The following PKHD1 variants were observed in gnomAD, a reference collection of about 807,000 sequenced individuals.
PKHD1 encodes the protein fibrocystin.
PKHD1 carries 291 observed loss-of-function variants against 412.0 expected under a neutral mutation model. That is an observed-to-expected ratio of 0.71 (90% CI 0.64 to 0.78). The LOEUF is 0.78. PKHD1 is among the 30% of genes least tolerant of loss of function. The pLI, the probability that PKHD1 is intolerant of heterozygous loss-of-function variation, is 0.00. For missense variants in PKHD1, 4,825 were observed against 4,950.7 expected (o/e 0.97, Z 0.76); for synonymous variants, 1,777 against 1,821.5 (o/e 0.98, Z 0.62).
At chr6:51,800,890 C>T (rs978530443) in intron 52 of PKHD1, among the ~76,000 whole-genome samples, 1 of 152,184 alleles carries the variant, frequency 6.6e-6, no homozygotes, top group South Asian at 2.1e-4. Flanking sequence ...CCAGGCAGAG[C>T]AGGACATACA....
intron 52 of PKHD1, among the ~76,000 whole-genome samples, chr6:51,809,938 C>A (rs1764441868): frequency 6.6e-6 from 1 of 150,864 alleles, no homozygotes. Context: ...TGCTTTCTAT[C>A]CTATTTTTTT....
chr6:51,856,476 T>C (rs1044221308), intron 48 of PKHD1, among the ~76,000 whole-genome samples: 5 of 152,252 alleles, frequency 3.3e-5, no homozygotes, highest in African/African-American at 9.6e-5. Flanking sequence ...CTATATACTA[T>C]GATTTTAACA....
At chr6:51,816,489 G>A (rs1765480804) in intron 52 of PKHD1, among the ~76,000 whole-genome samples, 1 of 152,202 alleles carries the variant, frequency 6.6e-6, no homozygotes, top group African/African-American at 2.4e-5. Context: ...AGGCAATAGA[G>A]CTGGATGGGA....
intron 53 of PKHD1, among the ~76,000 whole-genome samples, chr6:51,790,843 A>G (rs1284323362): frequency 6.6e-6 from 1 of 152,206 alleles, no homozygotes; most frequent in Non-Finnish European, 1.5e-5. Context: ...AACAATTGAA[A>G]TTTTATTGTG....
At chr6:51,779,268 G>A (rs1791575085) in intron 53 of PKHD1, among the ~76,000 whole-genome samples, 1 of 151,996 alleles carries the variant, frequency 6.6e-6, no homozygotes, top group Non-Finnish European at 1.5e-5. Flanking sequence ...AAGTCCCCAA[G>A]CAACCATATA....
intron 6 of PKHD1, among the ~76,000 whole-genome samples, chr6:52,075,595 A>G (rs1416230990): frequency 1.3e-5 from 2 of 152,174 alleles, no homozygotes; most frequent in Non-Finnish European, 2.9e-5. Flanking sequence ...GCTTTATATA[A>G]TCTTCTTTTC....
At chr6:51,791,488 G>A in intron 52 of PKHD1, 115 bp from the exon 53 acceptor site, 2 of 897,624 alleles carry the variant, frequency 2.2e-6, no homozygotes, top group East Asian at 2.6e-5. Context: ...AACCAGGACA[G>A]GTATAGCAAC....
intron 19 of PKHD1, among the ~76,000 whole-genome samples, 184 bp downstream of exon 19, chr6:52,055,403 G>A (rs1010448094): frequency 2.6e-5 from 4 of 152,372 alleles, no homozygotes; most frequent in East Asian, 1.9e-4. Context: ...CAACACACAA[G>A]TGGGGGCCAG....
chr6:52,025,780 G>A lies in PKHD1; in HGVS notation c.4030C>T (p.Gln1344Ter), dbSNP rs1457042422. The A allele has an allele frequency of 1.2e-6, 2 of 1,614,092 alleles. No homozygotes were observed. The highest frequency in any genetic ancestry group is 2.7e-5 in the African/African-American group (2 of 74,924). ...LNCDVETQSF[Q>*]GNVSLSGCSI... is the part of the protein sequence containing the mutation. ...CATCCAGACAGGCTCACGTTGCCCT[G>A]GAAGGACTGTGTCTCAACATCACAG... Residue 1344 changes from glutamine (Q) to a stop codon, truncating the protein, a stop_gained, in exon 32 of 67, where the codon CAG becomes TAG. Coordinates refer to ENST00000371117, the MANE Select transcript of PKHD1 (RefSeq NM_138694.4). LOFTEE classifies it high-confidence loss of function.
chr6:51,798,443 A>G (rs977811128), intron 52 of PKHD1, among the ~76,000 whole-genome samples: 2 of 152,138 alleles, frequency 1.3e-5, no homozygotes, highest in Non-Finnish European at 2.9e-5. Flanking sequence ...AGAATGTTGA[A>G]TATCTACCCC....
Position 52,071,013 on chromosome 6 carries a change from G to A in PKHD1, c.660C>T (p.Asp220=), listed in dbSNP as rs1480108656. The A allele has an allele frequency of 3.8e-6, 6 of 1,593,070 alleles. No individual in the cohort carries two copies. The highest frequency in any genetic ancestry group is 5.2e-6 in the Non-Finnish European group (6 of 1,160,932). ...LGTLQCHVEG[D]YIGSQNVSFS... Reference sequence around the variant, plus strand: ...GTTACTTCTCTAACAGACCGATGTAGTCGCCTTCCACATGGCACTGCAGAG... The same window carrying A: ...GTTACTTCTCTAACAGACCGATGTAATCGCCTTCCACATGGCACTGCAGAG... The change falls in exon 9 of 67, where the codon GAC becomes GAT. Residue 220 remains aspartate, a synonymous_variant. Transcript: ENST00000371117.
intron 27 of PKHD1, among the ~76,000 whole-genome samples, chr6:52,039,863 T>A (rs572026389): frequency 6.6e-6 from 1 of 152,262 alleles, no homozygotes; most frequent in South Asian, 2.1e-4. Context: ...CAAATGCACA[T>A]GATGAGATGG....
At chr6:51,901,661 A>G (rs1374780354) in intron 43 of PKHD1, among the ~76,000 whole-genome samples, 1 of 148,292 alleles carries the variant, frequency 6.7e-6, no homozygotes, top group Non-Finnish European at 1.5e-5. Flanking sequence ...CCTAAAACTT[A>G]AAGTATAATA....
chr6:51,693,001 G>A (rs1264713964), intron 60 of PKHD1, among the ~76,000 whole-genome samples: 1 of 152,006 alleles, frequency 6.6e-6, no homozygotes, highest in Non-Finnish European at 1.5e-5. Flanking sequence ...TCTTATCTTT[G>A]TTTCTCCTCA....
chr6:51,767,219 T>TTA lies in PKHD1; in HGVS notation c.8642+5482_8642+5483insTA, dbSNP rs1554227713. On this transcript the variant is annotated intron_variant, in intron 55 of 66. Transcript: ENST00000371117. ...ATTACTCATATTAGAGGCATACATT[T>TTA]AAAAAAAAATGCTAATGTTTGGCTA... Among the ~76,000 whole-genome samples, 709 of 151,504 alleles carry TTA rather than the reference T, an allele frequency of 4.7e-3. 3 individuals are homozygous for TTA. Among genetic ancestry groups the TTA allele is most frequent in the African/African-American group, 0.016 (672 of 41,438 alleles).
At chr6:52,029,371 A>G (rs750149772) in intron 29 of PKHD1, among the ~76,000 whole-genome samples, 4 of 152,246 alleles carry the variant, frequency 2.6e-5, no homozygotes, top group African/African-American at 7.2e-5. Context: ...ATTGAGTACC[A>G]TAAGGAAGAT....
chr6:51,672,379 A>C (rs1236162349), intron 60 of PKHD1, among the ~76,000 whole-genome samples: 5 of 152,214 alleles, frequency 3.3e-5, no homozygotes, highest in Admixed American at 1.3e-4. Flanking sequence ...TTAGAGTGGA[A>C]AGAGAGAATT....
At chr6:51,675,474 G>C (rs1320568786) in intron 60 of PKHD1, among the ~76,000 whole-genome samples, 1 of 152,074 alleles carries the variant, frequency 6.6e-6, no homozygotes, top group Non-Finnish European at 1.5e-5. Flanking sequence ...GCTGGCTTTG[G>C]TAATCATAAT....
At chr6:52,068,445 T>G (rs1810082901) in intron 11 of PKHD1, among the ~76,000 whole-genome samples, 1 of 152,094 alleles carries the variant, frequency 6.6e-6, no homozygotes, top group African/African-American at 2.4e-5. Context: ...AACCTTGGAG[T>G]GGAGTGGCAA....
Sources: gnomAD v4.1 joint callset for allele counts (sites outside exome capture counted in the v4.1 genomes callset) on GRCh38, gnomAD v4.1.1 for gene constraint, MANE v1.5 for transcripts, NCBI Gene and HGNC (gene_info 2026-07-23, HGNC 2026-07-21) for gene names.